CALN1: variants seen among roughly 807,000 people sequenced by gnomAD.
The protein encoded by CALN1 is calcium-binding protein 8.
CALN1 carries 17 observed loss-of-function variants against 30.6 expected under a neutral mutation model. The ratio of observed to expected loss-of-function variants is 0.56; its 90% confidence interval spans 0.38 to 0.83. The LOEUF (loss-of-function observed/expected upper bound fraction) is 0.83, where lower values mean the gene tolerates loss of function less well. CALN1 is among the 40% of genes least tolerant of loss of function. CALN1 has a pLI of 0.00. For missense variants in CALN1, 291 were observed against 354.9 expected, an observed-to-expected ratio of 0.82 and a Z score of 1.45; for synonymous variants, 156 against 131.4, an observed-to-expected ratio of 1.19 and a Z score of -1.28.
intron 3 of CALN1, among the ~76,000 whole-genome samples, chr7:72,159,669 G>A (rs971859464): frequency 6.6e-5 from 10 of 151,766 alleles, no homozygotes; most frequent in African/African-American, 2.4e-4. Flanking sequence ...ATGGTGGTGG[G>A]CGCCTGTGAT....
At chr7:72,038,851 C>T (rs1801960029) in intron 4 of CALN1, among the ~76,000 whole-genome samples, 1 of 152,194 alleles carries the variant, frequency 6.6e-6, no homozygotes, top group Non-Finnish European at 1.5e-5. Flanking sequence ...ATAATCCACC[C>T]CTGGTTTAGC....
intron 4 of CALN1, among the ~76,000 whole-genome samples, chr7:72,070,166 T>C (rs115765669): frequency 0.019 from 2,955 of 152,236 alleles, 89 homozygotes; most frequent in African/African-American, 0.067. Flanking sequence ...ACTAGTTTGG[T>C]CAGTCAACTA....
chr7:72,075,635 G>C (rs543106037), intron 4 of CALN1, among the ~76,000 whole-genome samples: 29 of 152,200 alleles, frequency 1.9e-4, no homozygotes, highest in Admixed American at 1.7e-3. Context: ...TCCCTGTCTT[G>C]GCCTGGGTGA....
At chr7:72,084,173 C>T (rs984625747) in intron 4 of CALN1, among the ~76,000 whole-genome samples, 9 of 152,084 alleles carry the variant, frequency 5.9e-5, no homozygotes, top group African/African-American at 2.2e-4. Flanking sequence ...CACGCCATTG[C>T]ACTCCAGCCT....
intron 5 of CALN1, among the ~76,000 whole-genome samples, chr7:71,899,586 TA>T (rs1730286162): frequency 6.6e-6 from 1 of 152,222 alleles, no homozygotes; most frequent in Non-Finnish European, 1.5e-5. Context: ...GGCAAAAGCC[TA>T]TATCTTAAAG....
intron 2 of CALN1, among the ~76,000 whole-genome samples, chr7:72,324,587 TA>T: frequency 6.6e-6 from 1 of 151,404 alleles, no homozygotes; most frequent in Non-Finnish European, 1.5e-5. Flanking sequence ...TTTATTTATT[TA>T]TTTATTTATT....
intron 3 of CALN1, among the ~76,000 whole-genome samples, chr7:72,271,575 A>ATATATATATATATATATATAT (rs1554345806): frequency 5.6e-4 from 29 of 52,116 alleles, no homozygotes; most frequent in African/African-American, 8.1e-4. Context: ...AAAAAAAAAA[A>ATATATATATATATATATATAT]ATATATATAT....
chr7:72,185,834 T>C (rs2129546442), intron 3 of CALN1, among the ~76,000 whole-genome samples: 1 of 152,338 alleles, frequency 6.6e-6, no homozygotes, highest in African/African-American at 2.4e-5. Flanking sequence ...ATGGAAGACA[T>C]GATTTGCTCC....
chr7:72,317,436 G>A (rs1800562315), intron 2 of CALN1, among the ~76,000 whole-genome samples: 1 of 152,200 alleles, frequency 6.6e-6, no homozygotes, highest in South Asian at 2.1e-4. Flanking sequence ...TTTCTACAAT[G>A]AAGGCTGAGA....
intron 4 of CALN1, among the ~76,000 whole-genome samples, chr7:72,047,177 T>C (rs907094993): frequency 3.9e-5 from 6 of 152,170 alleles, no homozygotes; most frequent in African/African-American, 1.2e-4. Context: ...CTCCAAATTA[T>C]TCACTATCAG....
intron 5 of CALN1, among the ~76,000 whole-genome samples, chr7:71,890,472 T>C (rs1373066655): frequency 2.6e-5 from 4 of 152,162 alleles, no homozygotes; most frequent in Non-Finnish European, 4.4e-5. Context: ...TCCCTCTTTC[T>C]CTCTCCATAC....
the CALN1 span, among the ~76,000 whole-genome samples, chr7:72,492,222 A>G: frequency 1.3e-5 from 2 of 152,246 alleles, no homozygotes; most frequent in African/African-American, 4.8e-5. Flanking sequence ...CCAATAGCTC[A>G]TGGAATTTAA....
intron 5 of CALN1, among the ~76,000 whole-genome samples, chr7:71,837,243 C>CAAAAAAAAAAAGA (rs1789670102): frequency 1.3e-5 from 1 of 79,124 alleles, no homozygotes; most frequent in African/African-American, 4.9e-5. Context: ...AAAAAAAAGA[C>CAAAAAAAAAAAGA]AAAAAAAAAA....
In CALN1 at chr7:72,295,396, G is replaced by C. The variant is rs142743912; in HGVS notation, c.120-16586C>G. The stretch of plus-strand genomic sequence containing the variant: ...TTAAAGTAGTTTTTTCCAATTCTGT[G>C]AAGAAAGGCATTGGTAGCTTGATGG... On this transcript the variant is annotated intron_variant, in intron 2 of 6. Transcript: ENST00000395275. Among the ~76,000 whole-genome samples, 688 of 152,180 alleles carry C rather than the reference G, an allele frequency of 4.5e-3. 4 individuals carry two copies. The highest frequency in any genetic ancestry group is 0.015 in the African/African-American group (618 of 41,492).
chr7:71,797,483 T>G (rs754971242), intron 6 of CALN1, among the ~76,000 whole-genome samples: 6 of 152,164 alleles, frequency 3.9e-5, no homozygotes, highest in Non-Finnish European at 7.4e-5. Flanking sequence ...AATGCCCAGG[T>G]ACCCAAAACT....
intron 5 of CALN1, among the ~76,000 whole-genome samples, chr7:71,891,762 G>A (rs753515668): frequency 6.6e-6 from 1 of 152,082 alleles, no homozygotes; most frequent in Non-Finnish European, 1.5e-5. Flanking sequence ...TGGCTAACAT[G>A]GTGAAGCCCC....
At chr7:71,885,456 A>G (rs556914357) in intron 5 of CALN1, among the ~76,000 whole-genome samples, 18 of 152,236 alleles carry the variant, frequency 1.2e-4, no homozygotes, top group African/African-American at 3.8e-4. Flanking sequence ...CCAGCCGCCA[A>G]TGTTATTTCT....
At chr7:72,132,931 G>A (rs888733909) in intron 3 of CALN1, among the ~76,000 whole-genome samples, 1 of 152,142 alleles carries the variant, frequency 6.6e-6, no homozygotes, top group African/African-American at 2.4e-5. Context: ...TCTCCTATCA[G>A]ATCAGCAGCA....
intron 3 of CALN1, among the ~76,000 whole-genome samples, chr7:72,251,423 G>T (rs1235665606): frequency 1.3e-5 from 2 of 151,726 alleles, no homozygotes; most frequent in Admixed American, 6.6e-5. Context: ...TCTTGAAACA[G>T]AGTGTTGCTC....
Sources: allele counts gnomAD v4.1 joint callset (sites outside exome capture counted in the v4.1 genomes callset), GRCh38; gene constraint gnomAD v4.1.1; transcripts MANE v1.5; gene names NCBI Gene and HGNC (gene_info 2026-07-23, HGNC 2026-07-21).